EYS: variants seen among roughly 807,000 people sequenced by gnomAD.
EYS encodes protein eyes shut homolog.
Under a neutral mutation model 282.1 loss-of-function variants are expected in EYS, and 250 were observed. That is an observed-to-expected ratio of 0.89 (90% CI 0.80 to 0.98). The LOEUF is 0.98. EYS is among the 50% of genes least tolerant of loss of function. EYS has a pLI of 0.00. For missense variants in EYS, 4,016 were observed against 3,709.0 expected (o/e 1.08, Z -2.15); for synonymous variants, 1,355 against 1,282.9 (o/e 1.06, Z -1.20).
rs555948184 is a variant in EYS at position 64,501,087 on chromosome 6, G to T, written c.5645-61735C>A. Among the ~76,000 whole-genome samples, 9 of 140,668 alleles carry T rather than the reference G, an allele frequency of 6.4e-5. No homozygotes were observed. In the South Asian group the frequency reaches 1.1e-3, roughly 18 times the overall value. The allele number at this position is 140,668 out of a possible 152,430, so 92.3% of individuals were successfully genotyped here. A position where few individuals can be genotyped will look rare whatever the true frequency, so the allele number is the denominator to read the frequency against. ...CCTCTTCCCCATCTTAAATTCTAGG[G>T]TTTTTTTTTAACTTTTTATTTACTA... is the stretch of plus-strand genomic sequence containing the variant. On this transcript the variant is annotated intron_variant, in intron 26 of 42. Transcript: ENST00000503581.
At chr6:64,670,693 CTTAT>C (rs530780720) in intron 22 of EYS, among the ~76,000 whole-genome samples, 19 of 152,222 alleles carry the variant, frequency 1.2e-4, no homozygotes, top group African/African-American at 4.1e-4. Flanking sequence ...CTAACAAGGG[CTTAT>C]TTAAGAATCT....
At chr6:65,187,385 G>C (rs372623811) in intron 12 of EYS, among the ~76,000 whole-genome samples, 1 of 151,444 alleles carries the variant, frequency 6.6e-6, no homozygotes, top group Non-Finnish European at 1.5e-5. Flanking sequence ...AAAATAGCAC[G>C]CATTTTTTCA....
intron 2 of EYS, among the ~76,000 whole-genome samples, chr6:65,522,620 C>G (rs1277399225): frequency 6.6e-6 from 1 of 152,052 alleles, no homozygotes; most frequent in African/African-American, 2.4e-5. Flanking sequence ...AGCATAAATA[C>G]TTTAAGAATT....
intron 41 of EYS, among the ~76,000 whole-genome samples, chr6:63,732,580 G>A (rs901013312): frequency 6.6e-6 from 1 of 152,118 alleles, no homozygotes; most frequent in Non-Finnish European, 1.5e-5. Flanking sequence ...ATTGAGATAC[G>A]CCCAATTATT....
intron 2 of EYS, among the ~76,000 whole-genome samples, chr6:65,518,180 G>A (rs966342687): frequency 2.0e-5 from 3 of 152,018 alleles, no homozygotes; most frequent in African/African-American, 4.8e-5. Context: ...TTATATCCAA[G>A]CATTCTGTTA....
At chr6:64,158,853 G>A (rs2150299627) in intron 31 of EYS, among the ~76,000 whole-genome samples, 1 of 152,262 alleles carries the variant, frequency 6.6e-6, no homozygotes, top group Admixed American at 6.5e-5. Context: ...AGAAGAGATG[G>A]CATGGGCTCA....
At chr6:64,154,267 C>G (rs143834344) in intron 31 of EYS, among the ~76,000 whole-genome samples, 7 of 151,874 alleles carry the variant, frequency 4.6e-5, no homozygotes, top group African/African-American at 1.7e-4. Flanking sequence ...ATGGAAAAAC[C>G]CTGTCTCTAC....
intron 31 of EYS, among the ~76,000 whole-genome samples, chr6:64,204,573 G>A (rs550417026): frequency 6.6e-6 from 1 of 152,120 alleles, no homozygotes; most frequent in Admixed American, 6.6e-5. Context: ...TCAAAAACAC[G>A]CTGCAAGACT....
chr6:64,347,567 TTATGCA>T (rs1771456732), intron 29 of EYS, among the ~76,000 whole-genome samples: 2 of 145,696 alleles, frequency 1.4e-5, no homozygotes, highest in South Asian at 2.2e-4. Context: ...CTCTATCTAC[TTATGCA>T]TATGTTTGAA....
chr6:65,233,751 T>C (rs1375215583), intron 12 of EYS, among the ~76,000 whole-genome samples: 1 of 152,202 alleles, frequency 6.6e-6, no homozygotes, highest in Non-Finnish European at 1.5e-5. Flanking sequence ...GCTTCTCTAG[T>C]AGCTACCTCC....
intron 2 of EYS, among the ~76,000 whole-genome samples, chr6:65,565,494 TTGG>T (rs1320683104): frequency 2.0e-5 from 3 of 152,052 alleles, no homozygotes; most frequent in Non-Finnish European, 2.9e-5. Context: ...TTTTACACTG[TTGG>T]TGGGAGTATA....
rs141895339 is a variant in EYS, at chr6:64,155,990, ATGTGTGTG to A, written c.6425-73996_6425-73989del. Among the ~76,000 whole-genome samples, 3 of 148,420 alleles carry A rather than the reference ATGTGTGTG, an allele frequency of 2.0e-5. No individual in the cohort carries two copies. The East Asian group carries it at 5.9e-4, about 29-fold the overall frequency. On this transcript the variant is annotated intron_variant, in intron 31 of 42. Coordinates refer to ENST00000503581, the MANE Select transcript of EYS (RefSeq NM_001142800.2). Reference sequence around the variant, plus strand: ...TCAAACATATCATTTATATATATATATGTGTGTGTGTGTGTGTATGTGTGTATGTTTAT... The same window carrying A: ...TCAAACATATCATTTATATATATATATGTGTGTGTATGTGTGTATGTTTAT...
Position 64,590,601 on chromosome 6 carries a change from C to A in EYS, c.5266G>T (p.Val1756Phe). Residue 1756 changes from valine to phenylalanine, a missense_variant, in exon 26 of 43, where the codon GTT becomes TTT. By Grantham distance (50) the Val-to-Phe change is conservative (BLOSUM62 -1). Coordinates refer to ENST00000503581, the MANE Select transcript of EYS (RefSeq NM_001142800.2). ...ATTTCTGAATATGTCTTTAAAGTAA[C>A]ATCCGGATAAATTTGTAAGTTTAAC... ...FELNLQIYPD[V>F]TLKTYSEITH... 1 of 1,551,318 alleles carries A rather than the reference C, an allele frequency of 6.4e-7. No homozygotes were observed. Among genetic ancestry groups the A allele is most frequent in the East Asian group, 2.4e-5 (1 of 40,904 alleles).
At chr6:65,330,223 C>T in intron 11 of EYS, 2 of 962,818 alleles carry the variant, frequency 2.1e-6, no homozygotes, top group South Asian at 4.8e-5. Flanking sequence ...GTCTCATTGT[C>T]ATAACATTTT....
chr6:65,501,245 G>C (rs9453310), intron 2 of EYS, among the ~76,000 whole-genome samples: 2 of 151,562 alleles, frequency 1.3e-5, no homozygotes, highest in Non-Finnish European at 2.9e-5. Context: ...GTCTGTGTGT[G>C]GGAGAAGGGA....
At chr6:63,807,778 T>A (rs1490558679) in intron 36 of EYS, among the ~76,000 whole-genome samples, 3 of 152,190 alleles carry the variant, frequency 2.0e-5, no homozygotes, top group Non-Finnish European at 4.4e-5. Flanking sequence ...ATGAAAACTT[T>A]ATAATTTGTG....
intron 33 of EYS, among the ~76,000 whole-genome samples, chr6:64,061,261 C>T (rs1771157218): frequency 6.6e-6 from 1 of 152,096 alleles, no homozygotes; most frequent in Non-Finnish European, 1.5e-5. Context: ...GTAAAACAGA[C>T]ACTAAAGGTG....
At position 63,984,504 on chromosome 6, in the gene EYS, G is replaced by T. The variant is rs564315274; in HGVS notation, c.6934C>A (p.Leu2312Ile). ...AAGAATTCTTTGTTGTTTACTTGAAGGTCTAGAATGCAGCCCCTGAACCCA... is the reference window on the plus strand; with the variant it reads ...AAGAATTCTTTGTTGTTTACTTGAATGTCTAGAATGCAGCCCCTGAACCCA... ...VYGFRGCILD[L>I]QVNNKEFFII... The change falls in exon 35 of 43, where the codon CTT becomes ATT. Residue 2312 changes from leucine to isoleucine, a missense_variant. Physicochemically the swap from Leu to Ile is conservative, Grantham distance 5. Transcript: ENST00000503581. The T allele has an allele frequency of 1.9e-6, 3 of 1,549,390 alleles. No homozygotes were observed. The highest frequency in any genetic ancestry group is 2.6e-6 in the Non-Finnish European group (3 of 1,145,426).
chr6:65,183,502 A>G (rs745598182), intron 12 of EYS, among the ~76,000 whole-genome samples: 35 of 151,896 alleles, frequency 2.3e-4, no homozygotes, highest in Non-Finnish European at 1.9e-4. Context: ...GTGAAAATAC[A>G]TATCTTATAG....
Sources: allele counts gnomAD v4.1 joint callset (sites outside exome capture counted in the v4.1 genomes callset), GRCh38; gene constraint gnomAD v4.1.1; transcripts MANE v1.5; gene names NCBI Gene and HGNC (gene_info 2026-07-23, HGNC 2026-07-21).